PELP1: variants seen among roughly 807,000 people sequenced by gnomAD.
The protein encoded by PELP1 is proline-, glutamic acid- and leucine-rich protein 1.
PELP1 carries 32 observed loss-of-function variants against 95.5 expected under a neutral mutation model. The ratio of observed to expected loss-of-function variants is 0.34; its 90% confidence interval spans 0.25 to 0.45. The LOEUF (loss-of-function observed/expected upper bound fraction) is 0.45. Among genes scored for constraint, PELP1 ranks in the 20% least tolerant of loss-of-function variants. PELP1 has a pLI of 1.00. For missense variants in PELP1, 1,358 were observed against 1,444.8 expected, an observed-to-expected ratio of 0.94 and a Z score of 0.97; for synonymous variants, 668 against 600.1, an observed-to-expected ratio of 1.11 and a Z score of -1.65.
At chr17:4,688,487 C>A (rs1261824893) in intron 3 of PELP1, among the ~76,000 whole-genome samples, 2 of 152,082 alleles carry the variant, frequency 1.3e-5, no homozygotes, top group African/African-American at 4.8e-5. Context: ...ATAAATGAAG[C>A]CGGTAAAGTT....
chr17:4,682,317 C>T (rs1214144450), intron 5 of PELP1, among the ~76,000 whole-genome samples, 185 bp downstream of exon 5: 1 of 152,140 alleles, frequency 6.6e-6, no homozygotes, highest in Non-Finnish European at 1.5e-5. Flanking sequence ...TTCTTGATTC[C>T]AACTTCTTTG....
chr17:4,679,130 G>A (rs1007289917), intron 5 of PELP1, among the ~76,000 whole-genome samples: 7 of 151,814 alleles, frequency 4.6e-5, no homozygotes, highest in Admixed American at 3.3e-4. Context: ...AGCTTCAGGG[G>A]ATCTCCTGCC....
chr17:4,675,275 C>T lies in PELP1; in HGVS notation c.1156G>A (p.Ala386Thr), dbSNP rs776298069. 9.5e-6 allele frequency: 15 copies of T among 1,579,232 alleles called. No homozygotes were observed. Among genetic ancestry groups the T allele is most frequent in the African/African-American group, 1.4e-5 (1 of 74,020 alleles). ...ALDLLSALIL[A>T]CGSRLLRFGI... Reference sequence around the variant, plus strand: ...CACAGCCAGCCCAATCCCACTCACGCGAGGATGAGTGCAGACAGCAGGTCC... The same window carrying T: ...CACAGCCAGCCCAATCCCACTCACGTGAGGATGAGTGCAGACAGCAGGTCC... The change falls in exon 10 of 17, where the codon GCG becomes ACG. Residue 386 changes from alanine to threonine, a missense_variant and splice_region_variant. Transcript: ENST00000572293. This position sits in a 1 kb window ranked among gnomAD's most constrained non-coding sequence, Gnocchi z 4.3.
At chr17:4,679,233 G>A in intron 5 of PELP1, among the ~76,000 whole-genome samples, 1 of 152,000 alleles carries the variant, frequency 6.6e-6, no homozygotes, top group East Asian at 1.9e-4. Context: ...TCACCATGTT[G>A]GCCAGGCTGA....
chr17:4,672,574 G>A lies in PELP1; in HGVS notation c.2417C>T (p.Ala806Val), dbSNP rs1183056370. 1 of 826,186 alleles carries A rather than the reference G, an allele frequency of 1.2e-6. No homozygotes were observed. The highest frequency in any genetic ancestry group is 3.0e-5 in the African/African-American group (1 of 33,450). The allele number at this position is 826,186 out of a possible 1,614,324, so 51.2% of individuals were successfully genotyped here. Reference protein sequence around the residue: ...PPLPPPPPSGATPPPIAPTGP... With the variant: ...PPLPPPPPSGVTPPPIAPTGP... Reference sequence around the variant, plus strand: ...AGTGGGGGCTATAGGGGGTGGTGTGGCACCTGAGGGTGGTGGGGGTGGCAG... The same window carrying A: ...AGTGGGGGCTATAGGGGGTGGTGTGACACCTGAGGGTGGTGGGGGTGGCAG... Residue 806 changes from alanine (A) to valine (V), a missense_variant, in exon 16 of 17, where the codon GCC becomes GTC. Around this residue, in one of 7 missense-constraint regions of PELP1, gnomAD observed 340 missense variants for 322.9 expected, o/e 1.05. Coordinates refer to ENST00000572293, the MANE Select transcript of PELP1 (RefSeq NM_014389.3).
At chr17:4,700,377 G>T (rs1458831340) in intron 1 of PELP1, among the ~76,000 whole-genome samples, 1 of 152,030 alleles carries the variant, frequency 6.6e-6, no homozygotes, top group Non-Finnish European at 1.5e-5. Context: ...GGATGTGGTG[G>T]CTCATGCCTG....
chr17:4,671,443 G>C lies in PELP1; in HGVS notation c.3389C>G (p.Ser1130Cys), dbSNP rs758487053. The C allele has an allele frequency of 1.3e-5, 18 of 1,431,338 alleles. No individual in the cohort carries two copies. Among genetic ancestry groups the C allele is most frequent in the Middle Eastern group, 1.8e-4 (1 of 5,708 alleles). The allele number at this position is 1,431,338 out of a possible 1,614,324, so 88.7% of individuals were successfully genotyped here. Residue 1130 changes from serine to cysteine, a missense_variant, in exon 17 of 17, where the codon TCC becomes TGC. Coordinates refer to ENST00000572293, the MANE Select transcript of PELP1 (RefSeq NM_014389.3). The stretch of plus-strand genomic sequence containing the variant: ...AGAGTGGGGTGCAGAAGATGGCTAG[G>C]AGTCAGGCTCTGTGGGAGGTGGTGG... ...EKPPPPTEPD[S>C]
chr17:4,684,589 C>T (rs540636153), intron 3 of PELP1, among the ~76,000 whole-genome samples: 9 of 141,772 alleles, frequency 6.3e-5, no homozygotes, highest in Non-Finnish European at 1.4e-4. Context: ...CACTGTCACT[C>T]GCTTTATCTC....
At position 4,674,645 on chromosome 17, in the gene PELP1, C is replaced by T; in HGVS notation, c.1447G>A (p.Asp483Asn). The change falls in exon 13 of 17, where the codon GAT becomes AAT. Residue 483 changes from aspartate to asparagine, a missense_variant. Asp to Asn is a conservative substitution (Grantham distance 23). This residue lies in a region of PELP1 where 538 missense variants were observed against 628.1 expected (regional missense o/e 0.86). Coordinates refer to ENST00000572293, the MANE Select transcript of PELP1 (RefSeq NM_014389.3). ...LKLRSPRGSP[D>N]GSLQTGKPSA... Reference sequence around the variant, plus strand: ...GGCTTCCCAGTCTGCAAACTCCCATCAGGGCTCCCCCGCGGGCTACGCAGC... The same window carrying T: ...GGCTTCCCAGTCTGCAAACTCCCATTAGGGCTCCCCCGCGGGCTACGCAGC... The T allele has an allele frequency of 6.2e-7, 1 of 1,600,390 alleles. No homozygotes were observed. Among genetic ancestry groups the T allele is most frequent in the Non-Finnish European group, 8.5e-7 (1 of 1,176,270 alleles).
chr17:4,690,081 A>C (rs1368572821), intron 3 of PELP1, among the ~76,000 whole-genome samples: 1 of 152,166 alleles, frequency 6.6e-6, no homozygotes, highest in Non-Finnish European at 1.5e-5. Context: ...ATACCATGGA[A>C]TACTACTCAG....
At position 4,676,392 on chromosome 17, in the gene PELP1, G is replaced by T. The variant is rs534431028; in HGVS notation, c.818C>A (p.Thr273Asn). 1.2e-6 allele frequency: 2 copies of T among 1,613,130 alleles called. No homozygotes were observed. Among genetic ancestry groups the T allele is most frequent in the South Asian group, 2.2e-5 (2 of 91,068 alleles). The change falls in exon 7 of 17, where the codon ACC (threonine) becomes AAC (asparagine). Residue 273 changes from threonine (T) to asparagine (N), a missense_variant. By Grantham distance (65) the Thr-to-Asn change is moderately conservative. Around this residue, in one of 7 missense-constraint regions of PELP1, gnomAD observed 538 missense variants for 628.1 expected, o/e 0.86. Transcript: ENST00000572293. ...TCCCTCGTACAGGGCCCCCAGCAGG[G>T]TGTGCAGTGAGGCCAGCAGACTGTG... ...ELHSLLASLH[T>N]LLGALYEGAE...
chr17:4,672,234 T>A lies in PELP1; in HGVS notation c.2757A>T (p.Glu919Asp). ...CCTCCTCTTCTTCCTCTTCAAAATA[T>A]TCCTCTTCATCCTCTTCCTCTTCCT... ...DFEEEEEDEE[E>D]YFEEEEEEEE... Residue 919 changes from glutamate to aspartate, a missense_variant, in exon 16 of 17, where the codon GAA becomes GAT. By Grantham distance (45) the Glu-to-Asp change is conservative. This residue lies in a region of PELP1 where 283 missense variants were observed against 284.1 expected (regional missense o/e 1.00). Coordinates refer to ENST00000572293, the MANE Select transcript of PELP1 (RefSeq NM_014389.3). 1 of 1,552,884 alleles carries A rather than the reference T, an allele frequency of 6.4e-7. No individual in the cohort carries two copies. Among genetic ancestry groups the A allele is most frequent in the Non-Finnish European group, 8.7e-7 (1 of 1,147,594 alleles).
rs757402798 is a variant in PELP1, at chr17:4,676,438, C to G, written c.772G>C (p.Glu258Gln). Reference protein sequence around the residue: ...AGFSQGLKHTESWEQELHSLL... With the variant: ...AGFSQGLKHTQSWEQELHSLL... The stretch of plus-strand genomic sequence containing the variant: ...CTGTGTAGCTCCTGCTCCCAGCTCT[C>G]GGTGTGCTTCAGGCCTTGGGAAAAG... The change falls in exon 7 of 17, where the codon GAG becomes CAG. Residue 258 changes from glutamate (E) to glutamine (Q), a missense_variant. By Grantham distance (29) the Glu-to-Gln change is conservative. Around this residue, in one of 7 missense-constraint regions of PELP1, gnomAD observed 538 missense variants for 628.1 expected, o/e 0.86. Coordinates refer to ENST00000572293, the MANE Select transcript of PELP1 (RefSeq NM_014389.3). 6.2e-7 allele frequency: 1 copy of G among 1,613,708 alleles called. No individual in the cohort carries two copies. The highest frequency in any genetic ancestry group is 8.5e-7 in the Non-Finnish European group (1 of 1,179,844).
chr17:4,675,087 C>T lies in PELP1; in HGVS notation c.1266G>A (p.Arg422=). The T allele has an allele frequency of 6.2e-7, 1 of 1,613,414 alleles. No homozygotes were observed. Among genetic ancestry groups the T allele is most frequent in the Non-Finnish European group, 8.5e-7 (1 of 1,179,408 alleles). Residue 422 remains arginine, a synonymous_variant, in exon 11 of 17, where the codon AGG becomes AGA. Transcript: ENST00000572293. This position sits in a 1 kb window ranked among gnomAD's most constrained non-coding sequence, Gnocchi z 4.3. The stretch of plus-strand genomic sequence containing the variant: ...CCTTCCTGGATGGTCACCTGTAAGG[C>T]CTCTCCTGGCCTGGAGAGAGGGAAT... ...GRDSLSPGQE[R]PYSTVRTKVY...
chr17:4,695,610 G>C (rs1913266163), intron 1 of PELP1, among the ~76,000 whole-genome samples: 1 of 143,658 alleles, frequency 7.0e-6, no homozygotes, highest in Admixed American at 7.1e-5. Flanking sequence ...AGGCTGCAGT[G>C]AGCTATGAAC....
intron 1 of PELP1, among the ~76,000 whole-genome samples, chr17:4,702,095 T>C (rs1224871346): frequency 6.6e-6 from 1 of 152,146 alleles, no homozygotes; most frequent in Non-Finnish European, 1.5e-5. Flanking sequence ...ATAGGCGGGA[T>C]AGGTAATATT....
rs1277702542 is a variant in PELP1 at position 4,672,022 on chromosome 17, T to A, written c.2969A>T (p.Glu990Val). 7 of 1,574,712 alleles carry A rather than the reference T, an allele frequency of 4.4e-6. No homozygotes were observed. The highest frequency in any genetic ancestry group is 6.0e-6 in the Non-Finnish European group (7 of 1,162,194). ...TTCTGGCTGCACCTTTGGGGGAGAC[T>A]CAGGGGGAGGCAGAGCTGGAGGCAG... The part of the protein sequence containing the change: ...PTLPPALPPP[E>V]SPPKVQPEPE... Residue 990 changes from glutamate to valine, a missense_variant, in exon 16 of 17, where the codon GAG becomes GTG. By Grantham distance (121) the Glu-to-Val change is moderately radical. This residue lies in a region of PELP1 where 283 missense variants were observed against 284.1 expected (regional missense o/e 1.00). Transcript: ENST00000572293.
chr17:4,672,036 A>G lies in PELP1; in HGVS notation c.2955T>C (p.Ala985=), dbSNP rs1307501570. ...GAPPPPTLPP[A]LPPPESPPKV... Reference sequence around the variant, plus strand: ...TTGGGGGAGACTCAGGGGGAGGCAGAGCTGGAGGCAGGGTTGGGGGTGGAG... The same window carrying G: ...TTGGGGGAGACTCAGGGGGAGGCAGGGCTGGAGGCAGGGTTGGGGGTGGAG... The change falls in exon 16 of 17, where the codon GCT becomes GCC. Residue 985 remains alanine (A), a synonymous_variant. Coordinates refer to ENST00000572293, the MANE Select transcript of PELP1 (RefSeq NM_014389.3). 6.4e-7 allele frequency: 1 copy of G among 1,565,810 alleles called. No individual in the cohort carries two copies. The highest frequency in any genetic ancestry group is 2.6e-5 in the East Asian group (1 of 38,274).
In PELP1 at chr17:4,674,493, G is replaced by A. The variant is rs779458255; in HGVS notation, c.1582+17C>T. 6.2e-7 allele frequency: 1 copy of A among 1,608,610 alleles called. No homozygotes were observed. The highest frequency in any genetic ancestry group is 1.1e-5 in the South Asian group (1 of 90,630). ...CCCGTTTGAGCCCCAGTGGTCCAGG[G>A]CACAGGCCTCACCCACCTCTGAGTG... On this transcript the variant is annotated intron_variant, in intron 13 of 16. Transcript: ENST00000572293.
Sources: allele counts gnomAD v4.1 joint callset (sites outside exome capture counted in the v4.1 genomes callset), GRCh38; gene constraint gnomAD v4.1.1; regional missense constraint gnomAD v4.1.1; non-coding constraint Gnocchi (gnomAD v3.1); transcripts MANE v1.5; gene names NCBI Gene and HGNC (gene_info 2026-07-23, HGNC 2026-07-21).